Variants in PI4KA observed in about 807,000 individuals in gnomAD.
PI4KA encodes the protein PI4-kinase alpha.
A neutral mutation model predicts 271.4 loss-of-function variants in PI4KA; 122 were observed. The observed-to-expected ratio is 0.45, with a 90% CI of 0.39 to 0.52. PI4KA has a LOEUF of 0.52. PI4KA is among the 20% of genes least tolerant of loss of function. PI4KA has a pLI of 0.00. For missense variants in PI4KA, 1,969 were observed against 2,769.1 expected, an observed-to-expected ratio of 0.71 and a Z score of 6.48; for synonymous variants, 1,041 against 1,078.8, an observed-to-expected ratio of 0.96 and a Z score of 0.69.
chr22:20,763,017 T>TGG (rs1227387739), intron 22 of PI4KA, among the ~76,000 whole-genome samples: 35 of 52,194 alleles, frequency 6.7e-4, no homozygotes, highest in South Asian at 1.7e-3. Context: ...CTTTTTTTTT[T>TGG]GGGGGGGGGG....
intron 18 of PI4KA, among the ~76,000 whole-genome samples, chr22:20,793,868 A>G (rs947485177): frequency 2.0e-5 from 3 of 152,256 alleles, no homozygotes; most frequent in Non-Finnish European, 4.4e-5. Context: ...ATTAGTAAAA[A>G]TTCTGGAAGC....
intron 10 of PI4KA, among the ~76,000 whole-genome samples, chr22:20,807,155 A>G (rs977034512): frequency 4.6e-5 from 7 of 152,238 alleles, no homozygotes; most frequent in Non-Finnish European, 7.3e-5. Flanking sequence ...AGGAGCCATC[A>G]TCGATGGTAC....
intron 52 of PI4KA, 125 bp from the exon 53 acceptor site, chr22:20,710,122 C>T (rs1294718747): frequency 1.8e-5 from 12 of 683,050 alleles, no homozygotes; most frequent in Non-Finnish European, 3.3e-5. Context: ...CCTCGCCTGC[C>T]ACATCTTGCA....
chr22:20,830,722 G>A (rs1026542136), intron 3 of PI4KA, among the ~76,000 whole-genome samples: 23 of 152,096 alleles, frequency 1.5e-4, no homozygotes, highest in African/African-American at 5.6e-4. Flanking sequence ...TTGTGTGGTT[G>A]CTTTATAGTG....
Position 20,729,668 on chromosome 22 carries a change from G to A in PI4KA, c.4452C>T (p.Tyr1484=). ...GCAGCAGCGTCCTGCGCTTCATGTA[G>A]TATTTGTGCAGCTGGGAGCCCCGGT... The part of the protein sequence containing the change: ...KTNRGSQLHK[Y]YMKRRTLLLS... The change falls in exon 38 of 55, where the codon TAC becomes TAT. Residue 1484 remains tyrosine, a synonymous_variant. Coordinates refer to ENST00000255882, the MANE Select transcript of PI4KA (RefSeq NM_058004.4). The A allele has an allele frequency of 6.3e-7, 1 of 1,586,072 alleles. No individual in the cohort carries two copies. Among genetic ancestry groups the A allele is most frequent in the Non-Finnish European group, 8.6e-7 (1 of 1,164,178 alleles).
chr22:20,742,484 G>C, intron 31 of PI4KA, 124 bp downstream of exon 31: 1 of 1,542,362 alleles, frequency 6.5e-7, no homozygotes, highest in Non-Finnish European at 8.8e-7. Context: ...ACTCATGAGA[G>C]ATACTCCTCT....
rs142655514 is a variant in PI4KA at position 20,718,710 on chromosome 22, G to A, written c.5229C>T (p.Asn1743=). 5.8e-3 allele frequency: 9,320 copies of A among 1,613,488 alleles called. 63 individuals are homozygous for A. Among genetic ancestry groups the A allele is most frequent in the East Asian group, 0.048 (2,161 of 44,878 alleles). ...GCACTTACTTGATGATAGCCGACACGTTGGTGATCTTGTTAAAGAAATCAA... is the reference window on the plus strand; with the variant it reads ...GCACTTACTTGATGATAGCCGACACATTGGTGATCTTGTTAAAGAAATCAA... ...REFDFFNKIT[N]VSAIIKPYPK... is the part of the protein sequence containing the mutation. The change falls in exon 44 of 55, where the codon AAC becomes AAT. Residue 1743 remains asparagine, a synonymous_variant. Transcript: ENST00000255882.
At chr22:20,820,948 C>A (rs999626020) in intron 4 of PI4KA, among the ~76,000 whole-genome samples, 1 of 152,216 alleles carries the variant, frequency 6.6e-6, no homozygotes, top group Non-Finnish European at 1.5e-5. Context: ...TGGGTAAACG[C>A]CCTAGCGCTT....
chr22:20,783,491 T>C (rs1262712150), intron 19 of PI4KA, among the ~76,000 whole-genome samples: 4 of 150,396 alleles, frequency 2.7e-5, no homozygotes, highest in Admixed American at 6.6e-5. Context: ...CATGTGCTTG[T>C]AGTCCAAGCT....
chr22:20,734,692 A>T (rs1928498394), intron 32 of PI4KA, 139 bp from the exon 33 acceptor site: 2 of 939,866 alleles, frequency 2.1e-6, no homozygotes, highest in Non-Finnish European at 3.2e-6. Flanking sequence ...AAAAAAATGA[A>T]GATCGCCTAT....
At chr22:20,815,417 A>C (rs1921669798) in intron 7 of PI4KA, among the ~76,000 whole-genome samples, 1 of 151,938 alleles carries the variant, frequency 6.6e-6, no homozygotes, top group African/African-American at 2.4e-5. Flanking sequence ...AAAACAAACA[A>C]ACAAAAAACT....
intron 19 of PI4KA, among the ~76,000 whole-genome samples, chr22:20,773,111 C>T (rs1289962334): frequency 1.3e-5 from 2 of 152,008 alleles, no homozygotes; most frequent in African/African-American, 2.4e-5. Context: ...TAGGGCCAGG[C>T]GTGGTGGCTC....
At chr22:20,832,862 T>G (rs948341989) in intron 3 of PI4KA, among the ~76,000 whole-genome samples, 2 of 152,230 alleles carry the variant, frequency 1.3e-5, no homozygotes, top group African/African-American at 4.8e-5. Flanking sequence ...GTTGATGATC[T>G]TCGTTCCTAT....
chr22:20,843,030 A>G (rs1214490118), intron 1 of PI4KA, among the ~76,000 whole-genome samples: 2 of 149,736 alleles, frequency 1.3e-5, no homozygotes, highest in African/African-American at 2.5e-5. Flanking sequence ...CCCGGGAGGC[A>G]GAGCTTGTAG....
chr22:20,842,367 T>C (rs887497708), intron 1 of PI4KA, among the ~76,000 whole-genome samples: 1 of 152,204 alleles, frequency 6.6e-6, no homozygotes, highest in Non-Finnish European at 1.5e-5. Flanking sequence ...TACAGAACTG[T>C]AAAATTATAA....
intron 17 of PI4KA, among the ~76,000 whole-genome samples, chr22:20,796,788 T>A (rs1935011946): frequency 6.6e-6 from 1 of 152,250 alleles, no homozygotes; most frequent in Non-Finnish European, 1.5e-5. Context: ...TTGGAGCTGA[T>A]GTCAGTATTT....
At chr22:20,794,359 T>G (rs1934851326) in intron 18 of PI4KA, among the ~76,000 whole-genome samples, 1 of 152,150 alleles carries the variant, frequency 6.6e-6, no homozygotes, top group African/African-American at 2.4e-5. Flanking sequence ...CTTTCTCAGG[T>G]GCTCAGCACC....
chr22:20,710,174 A>G (rs749579736), intron 52 of PI4KA, 177 bp from the exon 53 acceptor site: 99 of 658,464 alleles, frequency 1.5e-4, no homozygotes, highest in East Asian at 3.6e-4. Context: ...TTGGTAACCC[A>G]TACCGCCCAG....
chr22:20,825,106 G>T, intron 3 of PI4KA, among the ~76,000 whole-genome samples: 1 of 142,176 alleles, frequency 7.0e-6, no homozygotes, highest in African/African-American at 2.6e-5. Context: ...AATATTGAAT[G>T]TTGAATCAAG....
Sources: allele counts gnomAD v4.1 joint callset (sites outside exome capture counted in the v4.1 genomes callset), GRCh38; gene constraint gnomAD v4.1.1; transcripts MANE v1.5; gene names NCBI Gene and HGNC (gene_info 2026-07-23, HGNC 2026-07-21).